Variants in SMYD5 observed in about 807,000 individuals in gnomAD.
SMYD5 encodes SMYD family member 5.
SMYD5 carries 35 observed loss-of-function variants against 57.4 expected under a neutral mutation model. That is an observed-to-expected ratio of 0.61 (90% CI 0.47 to 0.81). SMYD5 has a LOEUF of 0.81. Among genes scored for constraint, SMYD5 ranks in the 30% least tolerant of loss-of-function variants. The pLI, the probability that SMYD5 is intolerant of heterozygous loss-of-function variation, is 0.00. For missense variants in SMYD5, 471 were observed against 527.9 expected, an observed-to-expected ratio of 0.89 and a Z score of 1.06; for synonymous variants, 198 against 189.7, an observed-to-expected ratio of 1.04 and a Z score of -0.36.
intron 3 of SMYD5, 109 bp from the exon 4 acceptor site, chr2:73,220,552 C>T: frequency 7.6e-7 from 1 of 1,323,312 alleles, no homozygotes; most frequent in Non-Finnish European, 1.1e-6. Flanking sequence ...TTTCTCTTCT[C>T]ATGATACATC....
chr2:73,224,512 G>A (rs1218670264), intron 10 of SMYD5, among the ~76,000 whole-genome samples: 1 of 152,206 alleles, frequency 6.6e-6, no homozygotes, highest in African/African-American at 2.4e-5. Context: ...GATTCTCAGA[G>A]GGCCTGTGTC....
intron 8 of SMYD5, 151 bp from the exon 9 acceptor site, chr2:73,223,275 G>A (rs1686431901): frequency 9.8e-6 from 8 of 818,092 alleles, no homozygotes; most frequent in Non-Finnish European, 1.5e-5. Flanking sequence ...GTTTTGGGGA[G>A]CCTCTGTTGG....
At chr2:73,224,714 G>C in intron 10 of SMYD5, 152 bp from the exon 11 acceptor site, 3 of 592,166 alleles carry the variant, frequency 5.1e-6, no homozygotes, top group South Asian at 3.8e-5. Context: ...CTTCAGGAAA[G>C]AACACTGGAT....
intron 5 of SMYD5, among the ~76,000 whole-genome samples, chr2:73,221,568 A>C (rs1686397853): frequency 6.6e-6 from 1 of 151,980 alleles, no homozygotes; most frequent in African/African-American, 2.4e-5. Flanking sequence ...TATGTCTTAC[A>C]TAAAGCGAGA....
chr2:73,218,891 C>T lies in SMYD5; in HGVS notation c.127C>T (p.Arg43Trp), dbSNP rs778016033. 11 of 1,614,000 alleles carry T rather than the reference C, an allele frequency of 6.8e-6. No individual in the cohort carries two copies. The highest frequency in any genetic ancestry group is 2.2e-5 in the East Asian group (1 of 44,888). ...GGGGCTGTTTGCCACACAGCTCATC[C>T]GGAAGGGGGAGACCATCTTCGTAGA... ...GKGLFATQLIRKGETIFVERP... is the reference protein window; with the variant it reads ...GKGLFATQLIWKGETIFVERP... The change falls in exon 2 of 13, where the codon CGG becomes TGG. Residue 43 changes from arginine (R) to tryptophan (W), a missense_variant. Physicochemically the swap from Arg to Trp is moderately radical, Grantham distance 101. Transcript: ENST00000389501.
Position 73,214,251 on chromosome 2 carries a change from C to A in SMYD5, c.-16C>A. On this transcript the variant is annotated 5_prime_UTR_variant, in exon 1 of 13. Transcript: ENST00000389501. The stretch of plus-strand genomic sequence containing the variant: ...CGAGGCGGGGTTAAGGGTCATAAGG[C>A]GGAGGCGCGCCCAAGATGGCGGCCT... The A allele has an allele frequency of 6.2e-7, 1 of 1,613,034 alleles. No homozygotes were observed. Among genetic ancestry groups the A allele is most frequent in the Non-Finnish European group, 8.5e-7 (1 of 1,179,240 alleles).
Position 73,216,119 on chromosome 2 carries a change from A to G in SMYD5, c.96+1757A>G, listed in dbSNP as rs187871812. Among the ~76,000 whole-genome samples, 32 of 152,318 alleles carry G rather than the reference A, an allele frequency of 2.1e-4. 1 individual carries two copies. The highest frequency in any genetic ancestry group is 7.8e-4 in the Admixed American group (12 of 15,302). On this transcript the variant is annotated intron_variant, in intron 1 of 12. Transcript: ENST00000389501. ...ATGACTTTTCAAAAATTTATCAACTATTATGCCAGAGACATGACCAGTCAG... is the reference window on the plus strand; with the variant it reads ...ATGACTTTTCAAAAATTTATCAACTGTTATGCCAGAGACATGACCAGTCAG...
intron 6 of SMYD5, 39 bp from the exon 7 acceptor site, chr2:73,222,716 C>T (rs1686419212): frequency 6.3e-7 from 1 of 1,579,492 alleles, no homozygotes; most frequent in Middle Eastern, 1.7e-4. Flanking sequence ...ATGGGAAATC[C>T]CCAGGGATAC....
chr2:73,225,205 T>C (rs1686476658), intron 11 of SMYD5: 2 of 500,884 alleles, frequency 4.0e-6, no homozygotes, highest in East Asian at 6.8e-5. Context: ...CAGATTCTTG[T>C]CCCCAGCTAT....
chr2:73,225,155 A>AG, intron 11 of SMYD5, 195 bp downstream of exon 11: 2 of 559,768 alleles, frequency 3.6e-6, no homozygotes, highest in Non-Finnish European at 6.3e-6. Context: ...ATATGACTCC[A>AG]GAAAGCCTCA....
At chr2:73,214,613 G>A (rs1355829013) in intron 1 of SMYD5, 3 of 1,510,506 alleles carry the variant, frequency 2.0e-6, no homozygotes, top group East Asian at 5.1e-5. Context: ...CCCGCGGGAG[G>A]CCCTTCTGTG....
chr2:73,223,507 C>T lies in SMYD5; in HGVS notation c.858C>T (p.Asp286=), dbSNP rs1686437904. ...GTGAGCAGCTTGACGCCTTCATTGA[C>T]CAGCTATACAAGGACATCGAGGCAG... is the stretch of plus-strand genomic sequence containing the variant. The part of the protein sequence containing the change: ...QDREQLDAFI[D]QLYKDIEAAT... The change falls in exon 9 of 13, where the codon GAC becomes GAT. Residue 286 remains aspartate (D), a synonymous_variant. Coordinates refer to ENST00000389501, the MANE Select transcript of SMYD5 (RefSeq NM_006062.3). The T allele has an allele frequency of 6.2e-7, 1 of 1,613,724 alleles. No homozygotes were observed. Among genetic ancestry groups the T allele is most frequent in the Non-Finnish European group, 8.5e-7 (1 of 1,179,616 alleles).
Position 73,220,159 on chromosome 2 carries a change from A to G in SMYD5, c.314A>G (p.Lys105Arg). 1 of 1,614,140 alleles carries G rather than the reference A, an allele frequency of 6.2e-7. No individual in the cohort carries two copies. Among genetic ancestry groups the G allele is most frequent in the African/African-American group, 1.3e-5 (1 of 75,032 alleles). ...CACCCAGAGCTGTGCACTGTGCGCA[A>G]AGACCTCCACCAGAACTGTCCCCAT... ...LPHPELCTVR[K>R]DLHQNCPHCQ... Residue 105 changes from lysine (K) to arginine (R), a missense_variant, in exon 3 of 13, where the codon AAA becomes AGA. Lys to Arg is a conservative substitution (Grantham distance 26, BLOSUM62 2). Coordinates refer to ENST00000389501, the MANE Select transcript of SMYD5 (RefSeq NM_006062.3).
At chr2:73,221,259 G>A (rs747467728) in intron 5 of SMYD5, 25 bp downstream of exon 5, 1 of 1,604,646 alleles carries the variant, frequency 6.2e-7, no homozygotes, top group East Asian at 2.2e-5. Context: ...CCCTCTCGGG[G>A]AAGCTGACTT....
intron 2 of SMYD5, among the ~76,000 whole-genome samples, chr2:73,219,708 C>T (rs1448308783): frequency 3.9e-5 from 6 of 152,074 alleles, no homozygotes; most frequent in African/African-American, 1.4e-4. Flanking sequence ...TAGAGAGACA[C>T]AATGAAAGGA....
rs184938314 is a variant in SMYD5, at chr2:73,219,683, A to T, written c.206-368A>T. Among the ~76,000 whole-genome samples, 46 of 152,280 alleles carry T rather than the reference A, an allele frequency of 3.0e-4. No individual in the cohort carries two copies. The East Asian group carries it at 8.7e-3, about 29-fold the overall frequency. On this transcript the variant is annotated intron_variant, in intron 2 of 12. Transcript: ENST00000389501. Reference sequence around the variant, plus strand: ...AGGCTTGAGCCACCGTGCCCAACCCACACATTTCTTAAGCTAGAGAGACAC... The same window carrying T: ...AGGCTTGAGCCACCGTGCCCAACCCTCACATTTCTTAAGCTAGAGAGACAC...
chr2:73,216,157 A>G (rs1167910298), intron 1 of SMYD5, among the ~76,000 whole-genome samples: 1 of 152,226 alleles, frequency 6.6e-6, no homozygotes, highest in Admixed American at 6.5e-5. Context: ...CAGAAACCTC[A>G]CCAGGTCCAG....
chr2:73,216,096 G>T (rs1686289360), intron 1 of SMYD5, among the ~76,000 whole-genome samples: 1 of 152,164 alleles, frequency 6.6e-6, no homozygotes, highest in Non-Finnish European at 1.5e-5. Context: ...GGATAGGAAT[G>T]ACTTTTCAAA....
chr2:73,217,329 A>T (rs1361829839), intron 1 of SMYD5, among the ~76,000 whole-genome samples: 4 of 152,190 alleles, frequency 2.6e-5, no homozygotes, highest in Non-Finnish European at 5.9e-5. Context: ...ATAAAGGAAC[A>T]ACTCTGATTC....
Sources: gnomAD v4.1 joint callset for allele counts (sites outside exome capture counted in the v4.1 genomes callset) on GRCh38, gnomAD v4.1.1 for gene constraint, MANE v1.5 for transcripts, NCBI Gene and HGNC (gene_info 2026-07-23, HGNC 2026-07-21) for gene names.